TRAF5: variants seen among roughly 807,000 people sequenced by gnomAD.
TRAF5 encodes the protein TNF receptor associated factor 5, also known as TNF receptor-associated factor 5.
Under a neutral mutation model 64.5 loss-of-function variants are expected in TRAF5, and 48 were observed. The ratio of observed to expected loss-of-function variants is 0.74; its 90% CI spans 0.59 to 0.95. The LOEUF is 0.95. TRAF5 is among the 40% of genes least tolerant of loss of function. The pLI is 0.00. For synonymous variants in TRAF5, 206 were observed against 240.5 expected (o/e 0.86, Z 1.33); for missense variants, 545 against 662.8 (o/e 0.82, Z 1.95).
chr1:211,335,429 G>T (rs1702265123), intron 1 of TRAF5, among the ~76,000 whole-genome samples: 1 of 152,208 alleles, frequency 6.6e-6, no homozygotes, highest in East Asian at 1.9e-4. Context: ...ATATTTGAGT[G>T]CTTGCTCTGC....
intron 1 of TRAF5, among the ~76,000 whole-genome samples, chr1:211,351,543 C>A (rs1702787833): frequency 6.6e-6 from 1 of 151,876 alleles, no homozygotes; most frequent in Non-Finnish European, 1.5e-5. Flanking sequence ...CATTGCCAAA[C>A]TCAAGATCAT....
At chr1:211,347,976 G>A (rs1476342892) in intron 1 of TRAF5, among the ~76,000 whole-genome samples, 2 of 152,200 alleles carry the variant, frequency 1.3e-5, no homozygotes, top group South Asian at 2.1e-4. Flanking sequence ...TCCCCCAGTT[G>A]AGCAGATTAT....
Position 211,372,866 on chromosome 1 carries a change from C to T in TRAF5, c.*164C>T. ...AAACTTCTGAAGTGCTGTCTTTTTA[C>T]ATTTTACTCTGTCCCAGTTTGAAAC... On this transcript the variant is annotated 3_prime_UTR_variant, in exon 11 of 11. Transcript: ENST00000261464. The T allele has an allele frequency of 1.7e-6, 1 of 594,190 alleles. No homozygotes were observed. Among genetic ancestry groups the T allele is most frequent in the African/African-American group, 1.8e-5 (1 of 54,058 alleles). The allele number at this position is 594,190 out of a possible 1,614,324, so 36.8% of individuals were successfully genotyped here.
chr1:211,350,180 G>A (rs1403493672), intron 1 of TRAF5, among the ~76,000 whole-genome samples: 1 of 151,568 alleles, frequency 6.6e-6, no homozygotes, highest in Non-Finnish European at 1.5e-5. Context: ...AAAAGGTGGA[G>A]CTTTGGTCTC....
chr1:211,356,215 G>A (rs980536614), intron 3 of TRAF5, 152 bp from the exon 4 acceptor site: 5 of 565,232 alleles, frequency 8.8e-6, no homozygotes, highest in African/African-American at 7.6e-5. Flanking sequence ...TTTTCTTTCA[G>A]TGTGGTGTAA....
Position 211,330,295 on chromosome 1 carries a change from C to T in TRAF5, c.-2+3406C>T, listed in dbSNP as rs192346324. 3.3e-3 allele frequency among the ~76,000 whole-genome samples: 503 copies of T among 152,122 alleles called. 2 individuals carry two copies. The highest frequency in any genetic ancestry group is 3.3e-3 in the Non-Finnish European group (223 of 68,010). On this transcript the variant is annotated intron_variant, in intron 1 of 10. Transcript: ENST00000261464. ...TTACTTTCAGCAGAGCCCCATGTCT[C>T]ATTTCTTGACACCACAGGCTCCATC...
chr1:211,332,074 G>A (rs1391364191), intron 1 of TRAF5, among the ~76,000 whole-genome samples: 1 of 152,154 alleles, frequency 6.6e-6, no homozygotes, highest in African/African-American at 2.4e-5. Context: ...GGGTATGGTG[G>A]GATAAGCTGG....
chr1:211,356,510 C>A, intron 4 of TRAF5, 42 bp downstream of exon 4: 1 of 1,571,332 alleles, frequency 6.4e-7, no homozygotes, highest in South Asian at 1.1e-5. Context: ...TGCCATTTTT[C>A]CAGGAATGTG....
chr1:211,360,371 C>T, intron 5 of TRAF5: 4 of 489,836 alleles, frequency 8.2e-6, no homozygotes, highest in South Asian at 7.9e-5. Context: ...CTGAATTCTG[C>T]AGTGTAGCTG....
chr1:211,338,007 G>T (rs187436574), intron 1 of TRAF5, among the ~76,000 whole-genome samples: 1 of 152,152 alleles, frequency 6.6e-6, no homozygotes, highest in African/African-American at 2.4e-5. Context: ...GAGCTGGGAC[G>T]TGCTCACCCA....
intron 7 of TRAF5, 62 bp downstream of exon 7, chr1:211,361,224 A>T: frequency 6.9e-7 from 1 of 1,451,272 alleles, no homozygotes; most frequent in Non-Finnish European, 9.7e-7. Context: ...TGGCAAGTTC[A>T]GTTTACTCTC....
At chr1:211,363,127 AT>A (rs1325825215) in intron 7 of TRAF5, among the ~76,000 whole-genome samples, 3 of 152,296 alleles carry the variant, frequency 2.0e-5, no homozygotes, top group Admixed American at 6.5e-5. Context: ...TTTTAGGGCA[AT>A]TTGGTTATCT....
At chr1:211,352,642 AG>A (rs1195682645) in intron 1 of TRAF5, among the ~76,000 whole-genome samples, 1 of 151,898 alleles carries the variant, frequency 6.6e-6, no homozygotes, top group African/African-American at 2.4e-5. Flanking sequence ...AAAGAAAAAA[AG>A]TATTAGTCTG....
At chr1:211,359,542 A>G (rs1703104459) in intron 4 of TRAF5, 1 of 179,396 alleles carries the variant, frequency 5.6e-6, no homozygotes, top group Non-Finnish European at 1.2e-5. Flanking sequence ...CAAAAGAAAT[A>G]AAAATGTCCT....
intron 4 of TRAF5, chr1:211,359,521 T>G: frequency 5.9e-6 from 1 of 170,556 alleles, no homozygotes; most frequent in East Asian, 1.6e-4. Context: ...GAGGTTGGGA[T>G]GAAGAGTCCA....
chr1:211,340,442 G>A lies in TRAF5; in HGVS notation c.-1-12797G>A, dbSNP rs537465568. On this transcript the variant is annotated intron_variant, in intron 1 of 10. Coordinates refer to ENST00000261464, the MANE Select transcript of TRAF5 (RefSeq NM_001033910.3). ...TGGGATTACAGGTGTGCACCACCAC[G>A]CCCAGCTTTTTGTATTTTTAGTAGA... Among the ~76,000 whole-genome samples the A allele has an allele frequency of 3.9e-5, 6 of 152,150 alleles. No homozygotes were observed. The East Asian group carries it at 7.8e-4, about 20-fold the overall frequency.
At chr1:211,371,783 C>A (rs926337561) in intron 10 of TRAF5, among the ~76,000 whole-genome samples, 5 of 152,146 alleles carry the variant, frequency 3.3e-5, no homozygotes, top group African/African-American at 1.2e-4. Flanking sequence ...GTGATGGGAT[C>A]ATTGTTTTAG....
intron 1 of TRAF5, among the ~76,000 whole-genome samples, chr1:211,352,764 C>A (rs574629622): frequency 1.8e-4 from 28 of 152,298 alleles, no homozygotes; most frequent in African/African-American, 6.7e-4. Flanking sequence ...CCAGCATGTT[C>A]AATGTCTGGT....
intron 9 of TRAF5, among the ~76,000 whole-genome samples, chr1:211,370,632 C>G (rs1381525744): frequency 6.6e-6 from 1 of 152,166 alleles, no homozygotes; most frequent in Non-Finnish European, 1.5e-5. Flanking sequence ...ATGCTCAGAA[C>G]ACTTACATTA....
Sources: gnomAD v4.1 joint callset for allele counts (sites outside exome capture counted in the v4.1 genomes callset) on GRCh38, gnomAD v4.1.1 for gene constraint, MANE v1.5 for transcripts, NCBI Gene and HGNC (gene_info 2026-07-23, HGNC 2026-07-21) for gene names.